JARID2: variants seen among roughly 807,000 people sequenced by gnomAD.
JARID2 encodes the protein jumonji and AT-rich interaction domain containing 2, also known as protein Jumonji.
Under a neutral mutation model 125.6 loss-of-function variants are expected in JARID2, and 21 were observed. That is an observed-to-expected ratio of 0.17 (90% CI 0.12 to 0.24). The LOEUF (loss-of-function observed/expected upper bound fraction) is 0.24, where lower values mean the gene tolerates loss of function less well. Among genes scored for constraint, JARID2 ranks in the 10% least tolerant of loss-of-function variants. JARID2 has a pLI of 1.00. For missense variants in JARID2, 1,303 were observed against 1,639.6 expected (o/e 0.79, Z 3.55); for synonymous variants, 736 against 661.6 (o/e 1.11, Z -1.73).
chr6:15,508,435 A>G lies in JARID2; in HGVS notation c.2827A>G (p.Thr943Ala), dbSNP rs1427775473. 5.0e-6 allele frequency: 8 copies of G among 1,584,166 alleles called. No individual in the cohort carries two copies. The highest frequency in any genetic ancestry group is 6.9e-6 in the Non-Finnish European group (8 of 1,152,866). Residue 943 changes from threonine to alanine, a missense_variant, in exon 12 of 18, where the codon ACT becomes GCT. By Grantham distance (58) the Thr-to-Ala change is moderately conservative. Transcript: ENST00000341776. ...CCTTCCATACATTGACTACTTACAC[A>G]CTGGTGCTGACTGCATTTGGTGAGT... Reference protein sequence around the residue: ...NHLPYIDYLHTGADCIWYCIP... With the variant: ...NHLPYIDYLHAGADCIWYCIP...
chr6:15,280,665 G>A (rs1760716543), intron 1 of JARID2, among the ~76,000 whole-genome samples: 1 of 138,858 alleles, frequency 7.2e-6, no homozygotes, highest in Admixed American at 7.6e-5. Flanking sequence ...GTCTCGCTCT[G>A]TTGCCCAGGC....
At chr6:15,513,536 C>T in intron 16 of JARID2, 114 bp downstream of exon 16, 2 of 1,050,152 alleles carry the variant, frequency 1.9e-6, no homozygotes, top group South Asian at 1.7e-5. Flanking sequence ...GCTGTGCTCC[C>T]ATCTCTGGAG....
chr6:15,502,979 A>G (rs1770814340), intron 8 of JARID2, among the ~76,000 whole-genome samples: 1 of 152,266 alleles, frequency 6.6e-6, no homozygotes. Flanking sequence ...TGAAATGAGA[A>G]ACTGTCAACG....
intron 4 of JARID2, among the ~76,000 whole-genome samples, chr6:15,456,166 T>A (rs147386094): frequency 4.3e-4 from 66 of 152,350 alleles, no homozygotes; most frequent in African/African-American, 1.5e-3. Context: ...GTGCGTGCAC[T>A]ATCTTATAAC....
At chr6:15,261,443 A>T (rs1759873178) in intron 1 of JARID2, among the ~76,000 whole-genome samples, 1 of 150,942 alleles carries the variant, frequency 6.6e-6, no homozygotes, top group African/African-American at 2.4e-5. Context: ...TCAGCCTCCC[A>T]AGTGGCTGGG....
At chr6:15,364,657 C>A (rs1389105633) in intron 1 of JARID2, among the ~76,000 whole-genome samples, 4 of 152,206 alleles carry the variant, frequency 2.6e-5, no homozygotes, top group African/African-American at 9.6e-5. Flanking sequence ...CCACAGTTTT[C>A]TTGGTAAATG....
chr6:15,272,286 C>T (rs910184946), intron 1 of JARID2, among the ~76,000 whole-genome samples: 1 of 152,234 alleles, frequency 6.6e-6, no homozygotes, highest in Non-Finnish European at 1.5e-5. Flanking sequence ...AGACAGCTAG[C>T]TATAATGCGT....
Position 15,496,583 on chromosome 6 carries a change from C to T in JARID2, c.1358C>T (p.Pro453Leu), listed in dbSNP as rs761413681. The T allele has an allele frequency of 6.9e-6, 11 of 1,602,482 alleles. No homozygotes were observed. The highest frequency in any genetic ancestry group is 1.7e-4 in the Middle Eastern group (1 of 5,860). ...RLEEAHQAEKPQSPPKKMKGA... is the reference protein window; with the variant it reads ...RLEEAHQAEKLQSPPKKMKGA... ...GAAGAGGCACACCAGGCGGAGAAGC[C>T]GCAGTCGCCCCCCAAGAAGATGAAA... The change falls in exon 7 of 18, where the codon CCG (proline) becomes CTG (leucine). Residue 453 changes from proline (P) to leucine (L), a missense_variant. Pro to Leu is a moderately conservative substitution (Grantham distance 98). Coordinates refer to ENST00000341776, the MANE Select transcript of JARID2 (RefSeq NM_004973.4).
chr6:15,515,205 CTTT>C (rs79690580), intron 16 of JARID2, among the ~76,000 whole-genome samples: 1 of 146,240 alleles, frequency 6.8e-6, no homozygotes, highest in African/African-American at 2.5e-5. Flanking sequence ...GCCTGGTTAA[CTTT>C]TTTTTTTTTT....
intron 1 of JARID2, chr6:15,248,229 C>A: frequency 3.1e-6 from 1 of 320,858 alleles, no homozygotes; most frequent in Non-Finnish European, 4.5e-6. Flanking sequence ...AAGGGACGGC[C>A]CGCGGGGGTC....
chr6:15,518,255 C>T (rs972488985), intron 17 of JARID2, among the ~76,000 whole-genome samples: 7 of 152,124 alleles, frequency 4.6e-5, no homozygotes, highest in Non-Finnish European at 1.0e-4. Context: ...CCTCTGGCTG[C>T]CTGGAAAGCG....
rs984009572 is a variant in JARID2, at chr6:15,304,979, AC to A, written c.45+58396del. The stretch of plus-strand genomic sequence containing the variant: ...GCTTTTTACAACCAGTTATGATGGA[AC>A]ATTTAAGACTTGTTTTGGGGTCACC... On this transcript the variant is annotated intron_variant, in intron 1 of 17. Transcript: ENST00000341776. 1.1e-4 allele frequency among the ~76,000 whole-genome samples: 16 copies of A among 152,154 alleles called. No individual in the cohort carries two copies. The Middle Eastern group carries it at 0.01, about 97-fold the overall frequency.
intron 1 of JARID2, among the ~76,000 whole-genome samples, chr6:15,249,347 C>G (rs1287078563): frequency 6.6e-6 from 1 of 152,046 alleles, no homozygotes; most frequent in Non-Finnish European, 1.5e-5. Context: ...GGGGGCTTTC[C>G]TTTGCTGTGC....
chr6:15,407,505 C>T (rs920767658), intron 2 of JARID2, among the ~76,000 whole-genome samples: 1 of 152,162 alleles, frequency 6.6e-6, no homozygotes, highest in African/African-American at 2.4e-5. Context: ...TTCATGCATT[C>T]ACCTCTTATT....
chr6:15,468,832 C>A, intron 5 of JARID2, 114 bp downstream of exon 5: 1 of 1,002,476 alleles, frequency 1.0e-6, no homozygotes, highest in Non-Finnish European at 1.5e-6. Context: ...CTGGGTACTT[C>A]TCCAGGGCCA....
intron 1 of JARID2, among the ~76,000 whole-genome samples, chr6:15,258,941 G>A (rs1169742585): frequency 6.6e-6 from 1 of 152,198 alleles, no homozygotes; most frequent in Non-Finnish European, 1.5e-5. Flanking sequence ...GTTGTTCGAG[G>A]AAGAGGATAG....
intron 5 of JARID2, among the ~76,000 whole-genome samples, chr6:15,477,525 T>A (rs1286301045): frequency 2.5e-5 from 3 of 118,522 alleles, no homozygotes; most frequent in African/African-American, 6.4e-5. Context: ...TTTTTTTTTT[T>A]AAGAGCTGTA....
chr6:15,385,222 TAG>T (rs1271083976), intron 2 of JARID2, among the ~76,000 whole-genome samples: 1 of 152,214 alleles, frequency 6.6e-6, no homozygotes, highest in Non-Finnish European at 1.5e-5. Flanking sequence ...TGTTTAGCTC[TAG>T]CTGATCCTTC....
chr6:15,320,516 A>G (rs1479812933), intron 1 of JARID2, among the ~76,000 whole-genome samples: 1 of 152,188 alleles, frequency 6.6e-6, no homozygotes. Flanking sequence ...GTTAATTATC[A>G]AAAACCATAC....
Sources: gnomAD v4.1 joint callset for allele counts (sites outside exome capture counted in the v4.1 genomes callset) on GRCh38, gnomAD v4.1.1 for gene constraint, MANE v1.5 for transcripts, NCBI Gene and HGNC (gene_info 2026-07-23, HGNC 2026-07-21) for gene names.